RIMS2: variants seen among roughly 807,000 people sequenced by gnomAD.
The protein encoded by RIMS2 is regulating synaptic membrane exocytosis protein 2.
Under a neutral mutation model 174.4 loss-of-function variants are expected in RIMS2, and 59 were observed. That is an observed-to-expected ratio of 0.34 (90% CI 0.27 to 0.42). The LOEUF is 0.42. Among genes scored for constraint, RIMS2 ranks in the 10% least tolerant of loss-of-function variants. The pLI, the probability that RIMS2 is intolerant of heterozygous loss-of-function variation, is 1.00. For missense variants in RIMS2, 1,620 were observed against 1,666.3 expected (o/e 0.97, Z 0.48); for synonymous variants, 606 against 572.5 (o/e 1.06, Z -0.84).
chr8:104,050,274 T>C (rs2096763993), intron 19 of RIMS2, among the ~76,000 whole-genome samples: 1 of 152,198 alleles, frequency 6.6e-6, no homozygotes, highest in Admixed American at 6.5e-5. Flanking sequence ...TTCTAGGTGC[T>C]GGAGACATAA....
At chr8:103,607,879 G>T (rs868669852) in intron 1 of RIMS2, among the ~76,000 whole-genome samples, 8,229 of 118,084 alleles carry the variant, frequency 0.07, 118 homozygotes, top group African/African-American at 0.081. Flanking sequence ...TCTCTGTATT[G>T]GTTATTCTAG....
Position 104,217,282 on chromosome 8 carries a change from T to C in RIMS2, c.3335-27634T>C, listed in dbSNP as rs576318935. ...ATCTTGTTTTTTTGTTTTTTTGTTT[T>C]TTTTGAGACAGGGTCCTGCTTTGTT... On this transcript the variant is annotated intron_variant, in intron 19 of 23. Transcript: ENST00000504942. Among the ~76,000 whole-genome samples the C allele has an allele frequency of 1.6e-4, 24 of 148,630 alleles. No homozygotes were observed. The South Asian group carries it at 3.6e-3, about 22-fold the overall frequency.
At chr8:103,953,272 G>C (rs1339129914) in intron 14 of RIMS2, among the ~76,000 whole-genome samples, 1 of 152,184 alleles carries the variant, frequency 6.6e-6, no homozygotes, top group African/African-American at 2.4e-5. Context: ...TACTCCTTGA[G>C]AAGAGCAACC....
chr8:104,004,548 C>T lies in RIMS2; in HGVS notation c.3045-8894C>T, dbSNP rs111344682. Among the ~76,000 whole-genome samples the T allele has an allele frequency of 4.2e-3, 635 of 151,842 alleles. 6 individuals carry two copies. The highest frequency in any genetic ancestry group is 0.014 in the African/African-American group (594 of 41,412). ...ACAGGTTGCAGTAGCCTAAGTATGA[C>T]CAGGAGATAAGAAAATGAACTTATC... On this transcript the variant is annotated intron_variant, in intron 17 of 23. Transcript: ENST00000504942.
At chr8:103,550,815 A>G (rs1177392051) in intron 1 of RIMS2, among the ~76,000 whole-genome samples, 1 of 152,242 alleles carries the variant, frequency 6.6e-6, no homozygotes, top group African/African-American at 2.4e-5. Context: ...ACCATCGGAG[A>G]ATACTATAAA....
rs145116696 is a variant in RIMS2, at chr8:103,810,140, G to A, written c.698+43603G>A. 6.1e-3 allele frequency among the ~76,000 whole-genome samples: 934 copies of A among 152,266 alleles called. 11 individuals carry two copies. Among genetic ancestry groups the A allele is most frequent in the African/African-American group, 0.021 (885 of 41,554 alleles). ...TTTGTCACAGGACTAATTCTAACCA[G>A]TTCACTCTTCAGTAGCTCTCCAAAG... On this transcript the variant is annotated intron_variant, in intron 3 of 23. Coordinates refer to ENST00000504942, the Ensembl canonical transcript of RIMS2.
At chr8:104,244,958 C>A (rs145791616) in exon 20 of RIMS2, 2 of 1,613,672 alleles carry the variant, frequency 1.2e-6, no homozygotes, top group South Asian at 2.2e-5. Context: ...CAAAGAAGTA[C>A]AGAAACAGGC....
At chr8:103,859,919 G>A (rs76187058) in intron 3 of RIMS2, among the ~76,000 whole-genome samples, 1 of 151,972 alleles carries the variant, frequency 6.6e-6, no homozygotes, top group Non-Finnish European at 1.5e-5. Context: ...TAGGAACTCA[G>A]TGGACAGACT....
intron 1 of RIMS2, among the ~76,000 whole-genome samples, chr8:103,541,918 A>G (rs948536607): frequency 1.3e-5 from 2 of 152,196 alleles, no homozygotes; most frequent in African/African-American, 4.8e-5. Context: ...CATGGTAACC[A>G]CAAAATGAAA....
chr8:104,132,176 ATTTG>A (rs2098479111), intron 19 of RIMS2, among the ~76,000 whole-genome samples: 1 of 152,112 alleles, frequency 6.6e-6, no homozygotes, highest in African/African-American at 2.4e-5. Context: ...ATTTTAGAGT[ATTTG>A]TTATTTTCGT....
chr8:103,857,680 A>G (rs2099035570), intron 3 of RIMS2, among the ~76,000 whole-genome samples: 1 of 152,212 alleles, frequency 6.6e-6, no homozygotes, highest in South Asian at 2.1e-4. Flanking sequence ...ATTCTAATCA[A>G]TTTGTTGTTT....
At chr8:103,983,305 T>C (rs772507617) in intron 16 of RIMS2, among the ~76,000 whole-genome samples, 6 of 152,208 alleles carry the variant, frequency 3.9e-5, no homozygotes, top group Non-Finnish European at 7.3e-5. Context: ...TCAATGATGT[T>C]AAACTTTCTA....
intron 3 of RIMS2, among the ~76,000 whole-genome samples, chr8:103,838,326 T>C (rs1281717678): frequency 6.6e-6 from 1 of 152,146 alleles, no homozygotes; most frequent in Non-Finnish European, 1.5e-5. Flanking sequence ...CCTTTTCTGC[T>C]AGCAAGGTTT....
At chr8:104,074,911 G>A (rs939723123) in intron 19 of RIMS2, among the ~76,000 whole-genome samples, 12 of 151,952 alleles carry the variant, frequency 7.9e-5, no homozygotes, top group Admixed American at 2.0e-4. Flanking sequence ...TTTATAAAAG[G>A]CAAGTTTTAA....
intron 3 of RIMS2, among the ~76,000 whole-genome samples, chr8:103,874,830 A>T (rs2099128212): frequency 6.6e-6 from 1 of 152,052 alleles, no homozygotes; most frequent in Non-Finnish European, 1.5e-5. Context: ...TTAAAATATG[A>T]TCAGATCACA....
At chr8:103,982,155 G>A (rs1485121218) in intron 16 of RIMS2, among the ~76,000 whole-genome samples, 3 of 151,916 alleles carry the variant, frequency 2.0e-5, no homozygotes, top group Admixed American at 6.6e-5. Flanking sequence ...AAAATATAGA[G>A]GAAATGCATA....
intron 3 of RIMS2, among the ~76,000 whole-genome samples, chr8:103,845,864 G>T (rs1282434560): frequency 6.6e-6 from 1 of 152,108 alleles, no homozygotes; most frequent in Non-Finnish European, 1.5e-5. Context: ...TAATATTTAA[G>T]TACCTACAAC....
intron 1 of RIMS2, among the ~76,000 whole-genome samples, chr8:103,602,926 C>A (rs973777999): frequency 2.0e-5 from 3 of 152,190 alleles, no homozygotes; most frequent in East Asian, 1.9e-4. Flanking sequence ...GTCCCACCAA[C>A]AATGTATAAG....
At chr8:104,004,510 G>A (rs1343633718) in intron 17 of RIMS2, among the ~76,000 whole-genome samples, 1 of 145,430 alleles carries the variant, frequency 6.9e-6, no homozygotes, top group African/African-American at 2.4e-5. Flanking sequence ...GAAGGATGGT[G>A]AGGGGGGAAA....
Sources: allele counts gnomAD v4.1 joint callset (sites outside exome capture counted in the v4.1 genomes callset), GRCh38; gene constraint gnomAD v4.1.1; transcripts MANE v1.5; gene names NCBI Gene and HGNC (gene_info 2026-07-23, HGNC 2026-07-21).